The following R3HDM4 variants were observed in gnomAD, a reference collection of about 807,000 sequenced individuals.
The protein encoded by R3HDM4 is R3H domain-containing protein 4.
A neutral mutation model predicts 31.3 loss-of-function variants in R3HDM4; 30 were observed. That is an observed-to-expected ratio of 0.96 (90% CI 0.72 to 1.30). R3HDM4 has a LOEUF of 1.30. Ranked by LOEUF, R3HDM4 falls within the 50% of genes most tolerant of loss-of-function variation. The pLI is 0.00. For missense variants in R3HDM4, 444 were observed against 366.1 expected (o/e 1.21, Z -1.74); for synonymous variants, 196 against 156.6 (o/e 1.25, Z -1.88).
intron 7 of R3HDM4, among the ~76,000 whole-genome samples, chr19:898,201 G>C (rs1249690801): frequency 7.1e-6 from 1 of 140,834 alleles, no homozygotes; most frequent in Non-Finnish European, 1.5e-5. Context: ...GGCTAACACA[G>C]TGAAACCCTG....
Position 896,710 on chromosome 19 carries a change from C to T in R3HDM4, c.*727G>A, listed in dbSNP as rs2145275280. On this transcript the variant is annotated 3_prime_UTR_variant, in exon 8 of 8. Coordinates refer to ENST00000361574, the MANE Select transcript of R3HDM4 (RefSeq NM_138774.4). This position sits in a 1 kb window ranked among gnomAD's most constrained non-coding sequence, Gnocchi z 4.0. ...GGTGACAGACAAGGTAGTGCAAGGG[C>T]AGAGGCTTCTGGCTGGAAGTCCTGG... The T allele has an allele frequency of 6.5e-6, 1 of 152,792 alleles. No individual in the cohort carries two copies. The highest frequency in any genetic ancestry group is 2.1e-4 in the South Asian group (1 of 4,826). 9.5% of individuals were successfully genotyped at this position (152,792 alleles called of 1,614,324 possible).
At chr19:912,865 G>T (rs1047284767) in intron 1 of R3HDM4, among the ~76,000 whole-genome samples, 10 of 151,776 alleles carry the variant, frequency 6.6e-5, no homozygotes, top group African/African-American at 2.4e-4. Flanking sequence ...TGTCCCCGCT[G>T]AGTAACAATG....
At chr19:912,384 C>T (rs1307317782) in intron 1 of R3HDM4, among the ~76,000 whole-genome samples, 2 of 100,318 alleles carry the variant, frequency 2.0e-5, no homozygotes, top group African/African-American at 8.5e-5. Flanking sequence ...GGGCGCGGAC[C>T]CGGGAGTGGG....
In R3HDM4 at chr19:900,120, A is replaced by C; in HGVS notation, c.502T>G (p.Cys168Gly). 6.2e-7 allele frequency: 1 copy of C among 1,601,722 alleles called. No individual in the cohort carries two copies. Among genetic ancestry groups the C allele is most frequent in the Admixed American group, 1.7e-5 (1 of 58,394 alleles). ...AGACGCCGGCTGATGCGCTGGAAGC[A>C]CTCGCGGGGTGTATAGGCGGGGTCC... ...REDPAYTPRE[C>G]FQRISRRLRA... The change falls in exon 5 of 8, where the codon TGC becomes GGC. Residue 168 changes from cysteine to glycine, a missense_variant. Transcript: ENST00000361574.
At chr19:911,799 C>T (rs939181681) in intron 1 of R3HDM4, among the ~76,000 whole-genome samples, 3 of 152,098 alleles carry the variant, frequency 2.0e-5, no homozygotes, top group African/African-American at 7.2e-5. Context: ...CTTCCGGGTC[C>T]CCCGGGAAGG....
intron 1 of R3HDM4, among the ~76,000 whole-genome samples, chr19:911,584 C>T (rs1217473578): frequency 6.6e-6 from 1 of 152,274 alleles, no homozygotes; most frequent in African/African-American, 2.4e-5. Flanking sequence ...CACTTACTAT[C>T]CCATTTTACA....
intron 1 of R3HDM4, among the ~76,000 whole-genome samples, chr19:903,230 C>T (rs930336918): frequency 3.4e-5 from 2 of 59,552 alleles, no homozygotes; most frequent in African/African-American, 8.8e-5. Flanking sequence ...ATGCCTCAGC[C>T]CCCCCCGCAA....
rs540847349 is a variant in R3HDM4 at position 899,524 on chromosome 19, C to T, written c.648-29G>A. On this transcript the variant is annotated intron_variant, in intron 6 of 7. Coordinates refer to ENST00000361574, the MANE Select transcript of R3HDM4 (RefSeq NM_138774.4). This position sits in a 1 kb window ranked among gnomAD's most constrained non-coding sequence, Gnocchi z 6.8. The stretch of plus-strand genomic sequence containing the variant: ...TGGGGAACGGGCAGTGAGCGCCGTG[C>T]AGGGGCTGCAGCGTGGGGTGTCCGC... 1 of 1,613,330 alleles carries T rather than the reference C, an allele frequency of 6.2e-7. No homozygotes were observed.
At position 897,402 on chromosome 19, in the gene R3HDM4, G is replaced by A; in HGVS notation, c.*35C>T. ...AAGGTATCGGAGGGCTTGATGGCTG[G>A]GCGAGGTGGCAGCGGGGTCTCCGCG... is the stretch of plus-strand genomic sequence containing the variant. On this transcript the variant is annotated 3_prime_UTR_variant, in exon 8 of 8. Transcript: ENST00000361574. 1 of 1,468,656 alleles carries A rather than the reference G, an allele frequency of 6.8e-7. No homozygotes were observed. Among genetic ancestry groups the A allele is most frequent in the Non-Finnish European group, 9.3e-7 (1 of 1,074,720 alleles). The allele number at this position is 1,468,656 out of a possible 1,614,324, so 91.0% of individuals were successfully genotyped here.
In R3HDM4 at chr19:899,421, G is replaced by A; in HGVS notation, c.703+19C>T. 1 of 1,613,028 alleles carries A rather than the reference G, an allele frequency of 6.2e-7. No individual in the cohort carries two copies. Among genetic ancestry groups the A allele is most frequent in the Non-Finnish European group, 8.5e-7 (1 of 1,179,514 alleles). ...GTTGAGCTGGCCAACTTGGGGTCTT[G>A]GGGGCCACCGGCACTTACTGGCCGA... On this transcript the variant is annotated intron_variant, in intron 7 of 7. Transcript: ENST00000361574. This position sits in a 1 kb window ranked among gnomAD's most constrained non-coding sequence, Gnocchi z 6.8.
intron 1 of R3HDM4, among the ~76,000 whole-genome samples, chr19:911,292 C>T (rs893682674): frequency 6.6e-6 from 1 of 151,728 alleles, no homozygotes; most frequent in Admixed American, 6.6e-5. Context: ...AAAAATACAA[C>T]AATTAGCTGA....
At position 902,107 on chromosome 19, in the gene R3HDM4, G is replaced by T. The variant is rs781002071; in HGVS notation, c.95C>A (p.Ala32Asp). The change falls in exon 2 of 8, where the codon GCC (alanine) becomes GAC (aspartate). Residue 32 changes from alanine (A) to aspartate (D), a missense_variant. Physicochemically the swap from Ala to Asp is moderately radical, Grantham distance 126. Transcript: ENST00000361574. ...RLLPLPSCLPALASSQVKRLS... is the reference protein window; with the variant it reads ...RLLPLPSCLPDLASSQVKRLS... ...TCTCTTCACCTGGGAGCTGGCTAGG[G>T]CAGGCAGGCAGCTGGGAAGGGGCCT... 2 of 1,613,484 alleles carry T rather than the reference G, an allele frequency of 1.2e-6. No individual in the cohort carries two copies. The highest frequency in any genetic ancestry group is 2.7e-5 in the African/African-American group (2 of 75,062).
In R3HDM4 at chr19:901,723, G is replaced by A. The variant is rs73918216; in HGVS notation, c.227-177C>T. ...CCTAGACCCCAGGTTCTGGATTGTC[G>A]AACTCCTATATATCCTTTAAAGCCC... On this transcript the variant is annotated intron_variant, in intron 2 of 7. Transcript: ENST00000361574. The A allele has an allele frequency of 1.4e-3, 1,338 of 931,216 alleles. 14 individuals carry two copies. In the African/African-American group the frequency reaches 0.019, roughly 13 times the overall value. The allele number at this position is 931,216 out of a possible 1,614,324, so 57.7% of individuals were successfully genotyped here.
In R3HDM4 at chr19:913,207, C is replaced by T; in HGVS notation, c.-50G>A. ...GCCGCCCGGCAGGGCCTTCACCGGGCCGGGCAGGAAGTGACGGGCGCCCGG... is the reference window on the plus strand; with the variant it reads ...GCCGCCCGGCAGGGCCTTCACCGGGTCGGGCAGGAAGTGACGGGCGCCCGG... On this transcript the variant is annotated 5_prime_UTR_variant, in exon 1 of 8. Coordinates refer to ENST00000361574, the MANE Select transcript of R3HDM4 (RefSeq NM_138774.4). This position sits in a 1 kb window ranked among gnomAD's most constrained non-coding sequence, Gnocchi z 5.0. The T allele has an allele frequency of 1.9e-6, 2 of 1,054,056 alleles. No homozygotes were observed. The highest frequency in any genetic ancestry group is 2.3e-6 in the Non-Finnish European group (2 of 876,134). The allele number at this position is 1,054,056 out of a possible 1,614,324, so 65.3% of individuals were successfully genotyped here. A position where few individuals can be genotyped will look rare whatever the true frequency, so the allele number is the denominator to read the frequency against.
intron 1 of R3HDM4, among the ~76,000 whole-genome samples, chr19:912,719 CAGTGGGGGGGCGGACCGGGG>C (rs1231133994): frequency 2.9e-3 from 120 of 41,934 alleles, no homozygotes; most frequent in Non-Finnish European, 1.6e-3. Context: ...CGGACCAGTG[CAGTGGGGGGGCGGACCGGGG>C]AGTGGGGCGC....
At chr19:902,278 T>A in intron 1 of R3HDM4, 148 bp from the exon 2 acceptor site, 1 of 801,298 alleles carries the variant, frequency 1.2e-6, no homozygotes, top group Non-Finnish European at 1.9e-6. Context: ...CTTAAAATCC[T>A]ATTTTGTTTC....
In R3HDM4 at chr19:913,149, C is replaced by A. The variant is rs2145309295; in HGVS notation, c.9G>T (p.Ala3=). 1 of 1,088,936 alleles carries A rather than the reference C, an allele frequency of 9.2e-7. No homozygotes were observed. Among genetic ancestry groups the A allele is most frequent in the Non-Finnish European group, 1.1e-6 (1 of 896,660 alleles). The allele number at this position is 1,088,936 out of a possible 1,614,324, so 67.5% of individuals were successfully genotyped here. ...CCGGGCCGCACTCGGGGTTCTCCAG[C>A]GCGACCATGGCTCGCACGCTGTCGC... MV[A]LENPECGPEA... Residue 3 remains alanine (A), a synonymous_variant, in exon 1 of 8, where the codon GCG becomes GCT. Transcript: ENST00000361574. The surrounding 1 kb of genome is among the most constrained non-coding windows in gnomAD (Gnocchi z 5.0).
At chr19:912,722 TG>T (rs919113186) in intron 1 of R3HDM4, among the ~76,000 whole-genome samples, 2 of 19,718 alleles carry the variant, frequency 1.0e-4, no homozygotes, top group African/African-American at 2.1e-4. Context: ...ACCAGTGCAG[TG>T]GGGGGGCGGA....
intron 2 of R3HDM4, 104 bp from the exon 3 acceptor site, chr19:901,650 T>C: frequency 7.1e-7 from 1 of 1,406,044 alleles, no homozygotes. Context: ...CATCTCAACC[T>C]CCGCACCTCC....
Sources: allele counts gnomAD v4.1 joint callset (sites outside exome capture counted in the v4.1 genomes callset), GRCh38; gene constraint gnomAD v4.1.1; non-coding constraint Gnocchi (gnomAD v3.1); transcripts MANE v1.5; gene names NCBI Gene and HGNC (gene_info 2026-07-23, HGNC 2026-07-21).